The following PTPN9 variants were observed in gnomAD, a reference collection of about 807,000 sequenced individuals.
PTPN9 encodes the protein tyrosine-protein phosphatase non-receptor type 9.
PTPN9 carries 26 observed loss-of-function variants against 69.8 expected under a neutral mutation model. The ratio of observed to expected loss-of-function variants is 0.37; its 90% CI spans 0.27 to 0.52. PTPN9 has a LOEUF of 0.52. Ranked by LOEUF, PTPN9 falls within the 20% of genes least tolerant of loss-of-function variation. The pLI, the probability that PTPN9 is intolerant of heterozygous loss-of-function variation, is 0.91. For missense variants in PTPN9, 549 were observed against 740.3 expected, an observed-to-expected ratio of 0.74 and a Z score of 3.00; for synonymous variants, 274 against 272.5, an observed-to-expected ratio of 1.01 and a Z score of -0.05.
chr15:75,566,634 G>A (rs999568555), intron 1 of PTPN9, among the ~76,000 whole-genome samples: 2 of 151,224 alleles, frequency 1.3e-5, no homozygotes, highest in Admixed American at 6.6e-5. Context: ...AGCTGAGATC[G>A]CACCACTGCA....
chr15:75,507,368 C>A lies in PTPN9; in HGVS notation c.640-1365G>T, dbSNP rs552532650. Among the ~76,000 whole-genome samples, 44 of 150,864 alleles carry A rather than the reference C, an allele frequency of 2.9e-4. No individual in the cohort carries two copies. The South Asian group carries it at 9.2e-3, about 31-fold the overall frequency. ...GGCTGAGGCAGGAGAATCACTTGAA[C>A]CCGGGGGACGGAGGTTGCAGTGAGC... On this transcript the variant is annotated intron_variant, in intron 6 of 12. Transcript: ENST00000618819.
chr15:75,480,126 T>C (rs979282741), intron 8 of PTPN9, among the ~76,000 whole-genome samples: 1 of 152,026 alleles, frequency 6.6e-6, no homozygotes, highest in African/African-American at 2.4e-5. Context: ...GCTGACTCCT[T>C]CCTCACACTG....
intron 10 of PTPN9, among the ~76,000 whole-genome samples, 170 bp downstream of exon 10, chr15:75,473,519 T>A (rs2074579974): frequency 6.6e-6 from 1 of 152,202 alleles, no homozygotes; most frequent in Admixed American, 6.5e-5. Flanking sequence ...CTGGAACTCC[T>A]GACCTTGTGA....
At chr15:75,488,497 T>C (rs1051825763) in intron 8 of PTPN9, among the ~76,000 whole-genome samples, 4 of 151,446 alleles carry the variant, frequency 2.6e-5, no homozygotes, top group African/African-American at 9.7e-5. Context: ...AAACAAGTTA[T>C]ATTAAAAAGG....
intron 7 of PTPN9, among the ~76,000 whole-genome samples, chr15:75,504,082 G>A (rs1206971061): frequency 1.6e-5 from 2 of 125,250 alleles, no homozygotes; most frequent in African/African-American, 3.0e-5. Flanking sequence ...GGAGGTGGGG[G>A]GATCAGCACC....
At chr15:75,505,020 G>A (rs537208186) in intron 7 of PTPN9, among the ~76,000 whole-genome samples, 48 of 152,362 alleles carry the variant, frequency 3.2e-4, no homozygotes, top group African/African-American at 1.1e-3. Context: ...GAATAGAAAG[G>A]GGGGAAAGGT....
chr15:75,567,586 C>T (rs2075131611), intron 1 of PTPN9, among the ~76,000 whole-genome samples: 1 of 152,314 alleles, frequency 6.6e-6, no homozygotes, highest in Middle Eastern at 3.4e-3. Flanking sequence ...ATTCAATAAA[C>T]TTACCTGTGC....
chr15:75,564,273 A>G (rs1461857986), intron 1 of PTPN9, among the ~76,000 whole-genome samples: 2 of 152,078 alleles, frequency 1.3e-5, no homozygotes, highest in Non-Finnish European at 2.9e-5. Flanking sequence ...TTTAAAAAAG[A>G]GAAACACTTG....
intron 5 of PTPN9, among the ~76,000 whole-genome samples, chr15:75,512,252 G>A (rs960138332): frequency 6.6e-6 from 1 of 151,458 alleles, no homozygotes; most frequent in African/African-American, 2.4e-5. Flanking sequence ...AACTGGGCTG[G>A]AATGCAATCA....
At chr15:75,478,926 T>G (rs1240207040) in intron 9 of PTPN9, among the ~76,000 whole-genome samples, 1 of 152,220 alleles carries the variant, frequency 6.6e-6, no homozygotes, top group Admixed American at 6.5e-5. Context: ...TCCTACCATC[T>G]TTGAAAGTGA....
chr15:75,513,158 C>T (rs753425658), intron 5 of PTPN9: 2 of 421,000 alleles, frequency 4.8e-6, no homozygotes, highest in Non-Finnish European at 9.4e-6. Context: ...AGGCCCAGGT[C>T]TGCAGTTCTT....
chr15:75,559,965 C>A (rs1158470250), intron 1 of PTPN9, among the ~76,000 whole-genome samples: 1 of 151,960 alleles, frequency 6.6e-6, no homozygotes, highest in Admixed American at 6.6e-5. Context: ...CATGGTGAAA[C>A]CCCATCTCTA....
At chr15:75,556,727 C>A (rs2075079373) in intron 1 of PTPN9, among the ~76,000 whole-genome samples, 2 of 152,174 alleles carry the variant, frequency 1.3e-5, no homozygotes, top group South Asian at 4.1e-4. Flanking sequence ...ATCATTTTTA[C>A]TATTCCTAAA....
intron 7 of PTPN9, among the ~76,000 whole-genome samples, chr15:75,492,774 A>G (rs560212428): frequency 6.6e-6 from 1 of 152,324 alleles, no homozygotes; most frequent in South Asian, 2.1e-4. Context: ...GCAGCTTTTA[A>G]GGACCATAAA....
At chr15:75,475,240 G>A (rs2074589350) in intron 9 of PTPN9, among the ~76,000 whole-genome samples, 1 of 152,182 alleles carries the variant, frequency 6.6e-6, no homozygotes, top group African/African-American at 2.4e-5. Flanking sequence ...TGAGCACTCA[G>A]CAATAACTTT....
chr15:75,545,050 G>T (rs1403983510), intron 1 of PTPN9, among the ~76,000 whole-genome samples: 1 of 152,148 alleles, frequency 6.6e-6, no homozygotes, highest in Non-Finnish European at 1.5e-5. Context: ...TATAAAGCAT[G>T]TTATTGTCTA....
In PTPN9 at chr15:75,517,247, C is replaced by G. The variant is rs1052772159; in HGVS notation, c.528+12G>C. ...ATTGAAGGAAACTTGAGAGGGCCCTCCATAGCCTTACCTTCAGCAGGTTTA... is the reference window on the plus strand; with the variant it reads ...ATTGAAGGAAACTTGAGAGGGCCCTGCATAGCCTTACCTTCAGCAGGTTTA... On this transcript the variant is annotated intron_variant, in intron 5 of 12. Coordinates refer to ENST00000618819, the MANE Select transcript of PTPN9 (RefSeq NM_002833.4). 1.3e-6 allele frequency: 2 copies of G among 1,599,278 alleles called. No individual in the cohort carries two copies. The highest frequency in any genetic ancestry group is 1.7e-6 in the Non-Finnish European group (2 of 1,167,608).
chr15:75,480,521 G>A (rs1040069959), intron 8 of PTPN9: 29 of 291,422 alleles, frequency 1.0e-4, no homozygotes, highest in Non-Finnish European at 1.7e-4. Context: ...CGAAGGCGCC[G>A]CGGGCTGGGG....
intron 5 of PTPN9, 96 bp from the exon 6 acceptor site, chr15:75,509,123 G>A: frequency 1.0e-6 from 1 of 956,758 alleles, no homozygotes; most frequent in Admixed American, 2.0e-5. Flanking sequence ...TTCTTACCCA[G>A]CAGGGGGAGT....
Sources: gnomAD v4.1 joint callset for allele counts (sites outside exome capture counted in the v4.1 genomes callset) on GRCh38, gnomAD v4.1.1 for gene constraint, MANE v1.5 for transcripts, NCBI Gene and HGNC (gene_info 2026-07-23, HGNC 2026-07-21) for gene names.